Variants in C12orf42 observed in about 807,000 individuals in gnomAD.
C12orf42 encodes the protein uncharacterized protein C12orf42.
C12orf42 carries 25 observed loss-of-function variants against 21.6 expected under a neutral mutation model. The observed-to-expected ratio is 1.16, with a 90% confidence interval of 0.84 to 1.62. The LOEUF (loss-of-function observed/expected upper bound fraction) is 1.62, where lower values mean the gene tolerates loss of function less well. Among genes scored for constraint, C12orf42 ranks in the 40% most tolerant of loss-of-function variants. The pLI is 0.00. For missense variants in C12orf42, 483 were observed against 459.3 expected (o/e 1.05, Z -0.47); for synonymous variants, 174 against 175.0 (o/e 0.99, Z 0.05).
At chr12:103,240,891 C>G (rs1160008301) in intron 10 of C12orf42, among the ~76,000 whole-genome samples, 3 of 152,058 alleles carry the variant, frequency 2.0e-5, no homozygotes, top group Non-Finnish European at 4.4e-5. Context: ...ATTTAAAACA[C>G]AGTAGATGCC....
At chr12:103,532,024 C>T in the C12orf42 span, among the ~76,000 whole-genome samples, 3 of 152,164 alleles carry the variant, frequency 2.0e-5, no homozygotes, top group Admixed American at 1.3e-4. Context: ...ATAAACACAC[C>T]TTTAAATAAA....
chr12:103,216,112 T>C, the C12orf42 span, among the ~76,000 whole-genome samples: 1 of 152,174 alleles, frequency 6.6e-6, no homozygotes, highest in African/African-American at 2.4e-5. Context: ...CTGGCATACA[T>C]ACTGACCAAG....
the C12orf42 span, among the ~76,000 whole-genome samples, chr12:103,183,745 T>C: frequency 3.3e-5 from 5 of 152,236 alleles, no homozygotes; most frequent in Admixed American, 6.5e-5. Context: ...ATGTCTCACA[T>C]GTTTCCACAT....
downstream of C12orf42, among the ~76,000 whole-genome samples, chr12:103,298,237 GA>G (rs1156767601): frequency 6.6e-6 from 1 of 152,102 alleles, no homozygotes; most frequent in East Asian, 1.9e-4. Flanking sequence ...TCCTTAAGCT[GA>G]TAAGCAACTT....
intron 5 of C12orf42, among the ~76,000 whole-genome samples, chr12:103,272,850 C>T (rs1022977326): frequency 6.6e-6 from 1 of 152,164 alleles, no homozygotes; most frequent in Non-Finnish European, 1.5e-5. Flanking sequence ...AAGGAATGAT[C>T]GGGCCTCCTG....
At chr12:103,075,474 T>C in the C12orf42 span, among the ~76,000 whole-genome samples, 607 of 152,334 alleles carry the variant, frequency 4.0e-3, 2 homozygotes, top group African/African-American at 0.013. Context: ...ATTTTTACTG[T>C]CAGGATCATA....
At chr12:103,226,638 G>A in the C12orf42 span, among the ~76,000 whole-genome samples, 1 of 152,196 alleles carries the variant, frequency 6.6e-6, no homozygotes, top group Non-Finnish European at 1.5e-5. Context: ...CTGTAAGCCC[G>A]ACCAGGTGTG....
chr12:103,438,426 GA>G (rs1300603192), intron 2 of C12orf42, among the ~76,000 whole-genome samples: 1 of 151,980 alleles, frequency 6.6e-6, no homozygotes, highest in African/African-American at 2.4e-5. Flanking sequence ...GCAGGAGAAA[GA>G]AATAAAGGGT....
chr12:103,070,245 T>G, the C12orf42 span, among the ~76,000 whole-genome samples: 1 of 152,130 alleles, frequency 6.6e-6, no homozygotes, highest in Admixed American at 6.6e-5. Context: ...ACCCTTAAGT[T>G]GTGATTTCCT....
chr12:103,464,952 T>C (rs958459258), intron 2 of C12orf42, among the ~76,000 whole-genome samples: 60 of 152,358 alleles, frequency 3.9e-4, no homozygotes, highest in African/African-American at 1.4e-3. Context: ...AGTACCATGC[T>C]GTTTTAGTTA....
rs923223055 is a variant in C12orf42 at position 103,321,136 on chromosome 12, A to G, written c.260-14791T>C. ...CTCATCTGACAAAGGACTAATATCCAGAATCTACAAAGAACTCAAACAAAT... is the reference window on the plus strand; with the variant it reads ...CTCATCTGACAAAGGACTAATATCCGGAATCTACAAAGAACTCAAACAAAT... On this transcript the variant is annotated intron_variant, in intron 4 of 5. Coordinates refer to ENST00000548883, the MANE Select transcript of C12orf42 (RefSeq NM_198521.5). 5.3e-5 allele frequency among the ~76,000 whole-genome samples: 8 copies of G among 152,312 alleles called. No individual in the cohort carries two copies. In the South Asian group the frequency reaches 1.0e-3, roughly 20 times the overall value.
At chr12:103,331,365 C>T (rs1035906545) in intron 4 of C12orf42, among the ~76,000 whole-genome samples, 1 of 152,186 alleles carries the variant, frequency 6.6e-6, no homozygotes, top group African/African-American at 2.4e-5. Flanking sequence ...AGTCGAGAAC[C>T]ATCTATAGTA....
chr12:103,478,467 A>G lies in C12orf42; in HGVS notation c.-21-20T>C. 1 of 1,259,902 alleles carries G rather than the reference A, an allele frequency of 7.9e-7. No homozygotes were observed. Among genetic ancestry groups the G allele is most frequent in the Non-Finnish European group, 1.1e-6 (1 of 897,462 alleles). The allele number at this position is 1,259,902 out of a possible 1,614,324, so 78.0% of individuals were successfully genotyped here. A position where few individuals can be genotyped will look rare whatever the true frequency, so the allele number is the denominator to read the frequency against. ...AACTCCCTATAAACAAAGAATGGAG[A>G]AAGAAGAGCAGGTTTACAATGATGC... On this transcript the variant is annotated intron_variant, in intron 1 of 5. Transcript: ENST00000548883.
At chr12:103,464,807 A>G (rs1952992436) in intron 2 of C12orf42, among the ~76,000 whole-genome samples, 1 of 152,154 alleles carries the variant, frequency 6.6e-6, no homozygotes, top group Non-Finnish European at 1.5e-5. Flanking sequence ...TCCCAGCACC[A>G]TTTATTAAAT....
chr12:103,303,571 AAC>A (rs2037969739), intron 5 of C12orf42, among the ~76,000 whole-genome samples: 1 of 152,186 alleles, frequency 6.6e-6, no homozygotes, highest in Non-Finnish European at 1.5e-5. Context: ...AAATTCAAAA[AAC>A]ACATAAAATA....
At chr12:103,072,770 G>A in the C12orf42 span, among the ~76,000 whole-genome samples, 21 of 152,140 alleles carry the variant, frequency 1.4e-4, no homozygotes, top group African/African-American at 5.1e-4. Flanking sequence ...ACCAGCATCT[G>A]TTGTTTTTTG....
intron 2 of C12orf42, among the ~76,000 whole-genome samples, chr12:103,423,258 C>A (rs945280103): frequency 6.6e-6 from 1 of 152,108 alleles, no homozygotes; most frequent in Non-Finnish European, 1.5e-5. Context: ...TGTGGGCCCT[C>A]CCCCCCTTGG....
intron 4 of C12orf42, among the ~76,000 whole-genome samples, chr12:103,288,979 G>C (rs537879416): frequency 6.6e-6 from 1 of 151,974 alleles, no homozygotes; most frequent in Non-Finnish European, 1.5e-5. Flanking sequence ...ATCTTGGTTC[G>C]GTCTGTTGTT....
chr12:103,397,482 A>T (rs1370270115), intron 3 of C12orf42, among the ~76,000 whole-genome samples: 1 of 152,206 alleles, frequency 6.6e-6, no homozygotes, highest in African/African-American at 2.4e-5. Flanking sequence ...TGAACTGTGC[A>T]TGCGAGGGAT....
Sources: allele counts gnomAD v4.1 joint callset (sites outside exome capture counted in the v4.1 genomes callset), GRCh38; gene constraint gnomAD v4.1.1; transcripts MANE v1.5; gene names NCBI Gene and HGNC (gene_info 2026-07-23, HGNC 2026-07-21).